The following DMTF1 variants were observed in gnomAD, a reference collection of about 807,000 sequenced individuals.
The protein encoded by DMTF1 is cyclin-D-binding Myb-like transcription factor 1.
In DMTF1, 39 loss-of-function variants were observed where a neutral mutation model predicts 91.1. The ratio of observed to expected loss-of-function variants is 0.43; its 90% confidence interval spans 0.33 to 0.56. The LOEUF is 0.56. DMTF1 is among the 20% of genes least tolerant of loss of function. DMTF1 has a pLI of 0.05. For synonymous variants in DMTF1, 338 were observed against 309.5 expected, an observed-to-expected ratio of 1.09 and a Z score of -0.97; for missense variants, 750 against 914.5, an observed-to-expected ratio of 0.82 and a Z score of 2.32.
At position 87,173,639 on chromosome 7, in the gene DMTF1, G is replaced by T. The variant is rs773374073; in HGVS notation, c.432G>T (p.Leu144=). The part of the protein sequence containing the change: ...WFTTKEDKDS[L]TNKGHKWKQG... ...CAACTAAAGAAGATAAGGATTCTCTGACTAATAAAGGTAAGATAACACTGT... is the reference window on the plus strand; with the variant it reads ...CAACTAAAGAAGATAAGGATTCTCTTACTAATAAAGGTAAGATAACACTGT... The change falls in exon 6 of 18, where the codon CTG becomes CTT. Residue 144 remains leucine (L), a synonymous_variant. Coordinates refer to ENST00000331242, the MANE Select transcript of DMTF1 (RefSeq NM_001142327.2). 4 of 1,603,500 alleles carry T rather than the reference G, an allele frequency of 2.5e-6. No individual in the cohort carries two copies. The South Asian group carries it at 4.4e-5, about 18-fold the overall frequency.
chr7:87,169,657 A>G (rs1277202696), intron 4 of DMTF1, among the ~76,000 whole-genome samples: 3 of 152,114 alleles, frequency 2.0e-5, no homozygotes, highest in African/African-American at 7.2e-5. Flanking sequence ...CTTGTTGCCA[A>G]ATTCAATGGT....
At chr7:87,186,212 A>G (rs1798390097) in intron 12 of DMTF1, 3 of 477,882 alleles carry the variant, frequency 6.3e-6, no homozygotes, top group Non-Finnish European at 1.1e-5. Flanking sequence ...TTGTTCTTCT[A>G]CGTAAACTAT....
rs1277415641 is a variant in DMTF1 at position 87,194,084 on chromosome 7, C to T, written c.2010C>T (p.Ala670=). Residue 670 remains alanine, a synonymous_variant, in exon 16 of 18, where the codon GCC becomes GCT. Transcript: ENST00000331242. ...LKQEESPSDL[A]SAYVTEGLES... is the part of the protein sequence containing the mutation. ...AAGAGGAATCACCCTCTGATTTAGC[C>T]AGTGCTTATGTTACTGAGGTAAGTT... is the stretch of plus-strand genomic sequence containing the variant. 7 of 1,600,396 alleles carry T rather than the reference C, an allele frequency of 4.4e-6. No individual in the cohort carries two copies. The East Asian group carries it at 1.6e-4, about 36-fold the overall frequency.
rs150586605 is a variant in DMTF1 at position 87,168,798 on chromosome 7, A to G, written c.232+2193A>G. ...CATAATGCTGCCCACCAGTAACAAC[A>G]GCTCTCTAGTGTTCTTTTTCCCACT... On this transcript the variant is annotated intron_variant, in intron 4 of 17. Transcript: ENST00000331242. Among the ~76,000 whole-genome samples, 315 of 152,330 alleles carry G rather than the reference A, an allele frequency of 2.1e-3. 2 individuals are homozygous for G. Among genetic ancestry groups the G allele is most frequent in the African/African-American group, 7.4e-3 (306 of 41,572 alleles).
intron 13 of DMTF1, among the ~76,000 whole-genome samples, chr7:87,190,572 T>C (rs111759570): frequency 0.011 from 1,741 of 152,202 alleles, 32 homozygotes; most frequent in African/African-American, 0.04. Context: ...GGAACAGATA[T>C]AGTAAATATT....
At chr7:87,192,243 A>G (rs1800008323) in intron 14 of DMTF1, among the ~76,000 whole-genome samples, 1 of 152,114 alleles carries the variant, frequency 6.6e-6, no homozygotes, top group Non-Finnish European at 1.5e-5. Flanking sequence ...TTAAATGTTA[A>G]GTATATTAAA....
chr7:87,192,440 A>G (rs1800068587), intron 14 of DMTF1: 1 of 152,094 alleles, frequency 6.6e-6, no homozygotes, highest in African/African-American at 2.4e-5. Flanking sequence ...CATGAGAAGT[A>G]GTTACTGTCT....
intron 4 of DMTF1, among the ~76,000 whole-genome samples, chr7:87,167,636 C>T (rs1051050912): frequency 6.6e-6 from 1 of 152,098 alleles, no homozygotes; most frequent in Non-Finnish European, 1.5e-5. Flanking sequence ...TAATTGCTTG[C>T]TAAATTGAAC....
chr7:87,178,455 C>T (rs55743432), intron 7 of DMTF1, among the ~76,000 whole-genome samples: 7,320 of 151,692 alleles, frequency 0.048, 244 homozygotes, highest in African/African-American at 0.09. Context: ...ATAAGACATA[C>T]GAATATTGAA....
chr7:87,160,807 C>T (rs759703538), intron 1 of DMTF1, among the ~76,000 whole-genome samples: 74 of 152,178 alleles, frequency 4.9e-4, no homozygotes, highest in Non-Finnish European at 1.2e-4. Context: ...CTTAGGTTTT[C>T]TCCTGCATCT....
chr7:87,185,195 C>A (rs1032872760), intron 11 of DMTF1, among the ~76,000 whole-genome samples: 1 of 152,026 alleles, frequency 6.6e-6, no homozygotes, highest in Non-Finnish European at 1.5e-5. Context: ...CTAAAATGGG[C>A]AAAAATACTA....
chr7:87,188,775 T>A (rs924369851), intron 13 of DMTF1, among the ~76,000 whole-genome samples: 2 of 152,144 alleles, frequency 1.3e-5, no homozygotes, highest in African/African-American at 4.8e-5. Flanking sequence ...AAAGGGCCAG[T>A]TTCCTATTGG....
chr7:87,167,907 C>CT (rs1172631500), intron 4 of DMTF1, among the ~76,000 whole-genome samples: 1 of 152,188 alleles, frequency 6.6e-6, no homozygotes, highest in Admixed American at 6.5e-5. Flanking sequence ...TATAAATTGA[C>CT]TTCAACCAAT....
intron 14 of DMTF1, 196 bp from the exon 15 acceptor site, chr7:87,193,002 T>C (rs945236370): frequency 8.7e-6 from 5 of 577,030 alleles, no homozygotes; most frequent in African/African-American, 3.8e-5. Context: ...ACCATAGAAA[T>C]ACACAGGAGC....
chr7:87,154,195 T>C (rs1452358376), intron 1 of DMTF1: 1 of 152,228 alleles, frequency 6.6e-6, no homozygotes, highest in Non-Finnish European at 1.5e-5. Flanking sequence ...AGAATCCAAT[T>C]TGGTGTGAGA....
intron 2 of DMTF1, 143 bp from the exon 3 acceptor site, chr7:87,164,791 G>C (rs1793422351): frequency 2.4e-6 from 1 of 418,026 alleles, no homozygotes; most frequent in South Asian, 8.2e-5. Context: ...TTTGAAATCT[G>C]AACTCTCATT....
In DMTF1 at chr7:87,178,534, A is replaced by T. The variant is rs187598512; in HGVS notation, c.520-1011A>T. On this transcript the variant is annotated intron_variant, in intron 7 of 17. Coordinates refer to ENST00000331242, the MANE Select transcript of DMTF1 (RefSeq NM_001142327.2). ...TTTCCATAAATTTGCTGATGTGATT[A>T]ATTACATTAATAATTTCCCTGAAAT... 4.6e-5 allele frequency among the ~76,000 whole-genome samples: 7 copies of T among 152,112 alleles called. No individual in the cohort carries two copies. In the East Asian group the frequency reaches 1.4e-3, roughly 29 times the overall value.
At chr7:87,181,250 T>C in intron 8 of DMTF1, 59 bp from the exon 9 acceptor site, 1 of 791,190 alleles carries the variant, frequency 1.3e-6, no homozygotes, top group Non-Finnish European at 2.1e-6. Flanking sequence ...TGATTTTTAT[T>C]GAGGTTTTTA....
intron 9 of DMTF1, among the ~76,000 whole-genome samples, chr7:87,181,674 A>G (rs1797409666): frequency 6.6e-6 from 1 of 152,188 alleles, no homozygotes; most frequent in Non-Finnish European, 1.5e-5. Flanking sequence ...GTTGTGCTAC[A>G]TGGCTTGGTT....
Sources: allele counts gnomAD v4.1 joint callset (sites outside exome capture counted in the v4.1 genomes callset), GRCh38; gene constraint gnomAD v4.1.1; transcripts MANE v1.5; gene names NCBI Gene and HGNC (gene_info 2026-07-23, HGNC 2026-07-21).